NHSL1: variants seen among roughly 807,000 people sequenced by gnomAD.
The protein encoded by NHSL1 is NHS-like protein 1.
In NHSL1, 48 loss-of-function variants were observed where a neutral mutation model predicts 95.0. The observed-to-expected ratio is 0.51, with a 90% CI of 0.40 to 0.64. The LOEUF (loss-of-function observed/expected upper bound fraction) is 0.64. NHSL1 is among the 30% of genes least tolerant of loss of function. The pLI, the probability that NHSL1 is intolerant of heterozygous loss-of-function variation, is 0.00. For missense variants in NHSL1, 1,971 were observed against 2,077.7 expected (o/e 0.95, Z 1.00); for synonymous variants, 783 against 833.9 (o/e 0.94, Z 1.05).
chr6:138,692,922 AGGACGGAC>A (rs1051069271), upstream of NHSL1, among the ~76,000 whole-genome samples: 15 of 150,244 alleles, frequency 1.0e-4, no homozygotes, highest in African/African-American at 2.4e-4. The surrounding 1 kb of genome is among the most constrained non-coding windows in gnomAD (Gnocchi z 4.0). Flanking sequence ...GCGGGCAGGA[AGGACGGAC>A]GGACGGACGG....
intron 1 of NHSL1, among the ~76,000 whole-genome samples, chr6:138,646,561 T>C (rs532839364): frequency 1.3e-5 from 2 of 152,154 alleles, no homozygotes; most frequent in Admixed American, 6.5e-5. Flanking sequence ...TCAGTGACTA[T>C]CCATGGAGGA....
chr6:138,571,910 ATCT>A, exon 1 of NHSL1: 2 of 1,550,962 alleles, frequency 1.3e-6, no homozygotes, highest in Non-Finnish European at 1.7e-6. Context: ...TTCCTTTTTC[ATCT>A]TCTTTTCAAA....
chr6:138,447,144 G>C lies in NHSL1; in HGVS notation c.389C>G (p.Pro130Arg). 2 of 1,551,690 alleles carry C rather than the reference G, an allele frequency of 1.3e-6. No homozygotes were observed. Among genetic ancestry groups the C allele is most frequent in the Non-Finnish European group, 1.7e-6 (2 of 1,146,998 alleles). The change falls in exon 4 of 8, where the codon CCT becomes CGT. Residue 130 changes from proline to arginine, a missense_variant. Transcript: ENST00000343505. Reference protein sequence around the residue: ...EEERFISIRRPKTPASSDFSD... With the variant: ...EEERFISIRRRKTPASSDFSD... ...GAAGTCACTTGAGGCTGGTGTTTTA[G>C]GTCTCCTGATGGAAATAAATCTTTC...
At chr6:138,564,121 A>C (rs978962855) in intron 1 of NHSL1, among the ~76,000 whole-genome samples, 2 of 152,210 alleles carry the variant, frequency 1.3e-5, no homozygotes, top group African/African-American at 4.8e-5. Context: ...GAAGCAACAG[A>C]AAACACCAAA....
chr6:138,610,669 C>A (rs996867944), intron 1 of NHSL1, among the ~76,000 whole-genome samples: 1 of 151,830 alleles, frequency 6.6e-6, no homozygotes, highest in Non-Finnish European at 1.5e-5. Flanking sequence ...TAGTTCCACC[C>A]AAAGACTCAT....
upstream of NHSL1, chr6:138,692,691 C>G (rs1163021978): frequency 6.6e-6 from 1 of 151,908 alleles, no homozygotes; most frequent in Admixed American, 6.6e-5. The surrounding 1 kb of genome is among the most constrained non-coding windows in gnomAD (Gnocchi z 4.0). Context: ...GAGTGGCGCG[C>G]CCGCAGCCCC....
intron 3 of NHSL1, among the ~76,000 whole-genome samples, 188 bp from the exon 4 acceptor site, chr6:138,447,381 C>A (rs1019815983): frequency 6.6e-5 from 10 of 152,186 alleles, no homozygotes; most frequent in Non-Finnish European, 1.0e-4. Context: ...ATGATTCACA[C>A]CAGCCTTAGT....
intron 1 of NHSL1, among the ~76,000 whole-genome samples, chr6:138,619,687 C>T (rs550554137): frequency 4.3e-4 from 66 of 152,222 alleles, no homozygotes; most frequent in African/African-American, 1.5e-3. Context: ...TTCGGGAGGA[C>T]AAGGCAGTAG....
intron 1 of NHSL1, among the ~76,000 whole-genome samples, chr6:138,689,571 C>T (rs1021139769): frequency 6.6e-6 from 1 of 152,162 alleles, no homozygotes; most frequent in Non-Finnish European, 1.5e-5. Flanking sequence ...CACTGACATT[C>T]TCACATCCTT....
chr6:138,599,975 C>A (rs1784351210), intron 1 of NHSL1, among the ~76,000 whole-genome samples: 1 of 151,956 alleles, frequency 6.6e-6, no homozygotes, highest in South Asian at 2.1e-4. Context: ...AACCCCATCT[C>A]TACTAAAAAA....
At chr6:138,505,992 C>T (rs541626429) in intron 1 of NHSL1, among the ~76,000 whole-genome samples, 6 of 152,214 alleles carry the variant, frequency 3.9e-5, no homozygotes, top group South Asian at 2.1e-4. Context: ...ACTTCAAATA[C>T]GATTTTTAAA....
At chr6:138,607,453 A>C (rs562311052) in intron 1 of NHSL1, among the ~76,000 whole-genome samples, 32 of 152,356 alleles carry the variant, frequency 2.1e-4, no homozygotes, top group African/African-American at 7.5e-4. Flanking sequence ...GCAAACAAAG[A>C]ATATTATAGC....
intron 1 of NHSL1, among the ~76,000 whole-genome samples, chr6:138,571,112 T>C (rs192723523): frequency 1.1e-3 from 162 of 151,500 alleles, no homozygotes; most frequent in Admixed American, 3.1e-3. Context: ...AGAAACTTGA[T>C]AGAAATCTAA....
In NHSL1 at chr6:138,496,094, C is replaced by T. The variant is rs2128285046; in HGVS notation, c.211+125G>A. 5.8e-6 allele frequency: 6 copies of T among 1,036,838 alleles called. No individual in the cohort carries two copies. The South Asian group carries it at 5.9e-5, about 10-fold the overall frequency. The allele number at this position is 1,036,838 out of a possible 1,614,324, so 64.2% of individuals were successfully genotyped here. On this transcript the variant is annotated intron_variant, in intron 2 of 7. Transcript: ENST00000343505. ...ATGTATTAGGTTGTATTTATGATAT[C>T]GTATAAAGACGTAGCATACTATACA...
chr6:138,450,165 A>G (rs1562282709), intron 3 of NHSL1, among the ~76,000 whole-genome samples: 1 of 152,086 alleles, frequency 6.6e-6, no homozygotes, highest in Non-Finnish European at 1.5e-5. Flanking sequence ...TTTGATTTAT[A>G]ATACATATTC....
intron 1 of NHSL1, among the ~76,000 whole-genome samples, chr6:138,615,784 TAAGAA>T (rs1228976856): frequency 2.0e-5 from 3 of 152,210 alleles, no homozygotes; most frequent in East Asian, 3.8e-4. Flanking sequence ...ATCAGGTTCT[TAAGAA>T]GAGAAGCAGG....
intron 3 of NHSL1, chr6:138,464,212 G>C: frequency 1.3e-6 from 1 of 759,564 alleles, no homozygotes; most frequent in South Asian, 1.7e-5. Context: ...AGGCTGAGAG[G>C]CTGCTGGCCG....
intron 1 of NHSL1, among the ~76,000 whole-genome samples, chr6:138,532,337 G>A (rs565606462): frequency 6.6e-6 from 1 of 152,300 alleles, no homozygotes; most frequent in African/African-American, 2.4e-5. Flanking sequence ...TGGTGGTAGG[G>A]AACTGAAGAC....
chr6:138,435,267 T>A (rs1775999787), intron 5 of NHSL1: 1 of 154,788 alleles, frequency 6.5e-6, no homozygotes, highest in African/African-American at 2.4e-5. Flanking sequence ...AACAATGAGT[T>A]TTGAGTGTTT....
Sources: gnomAD v4.1 joint callset for allele counts (sites outside exome capture counted in the v4.1 genomes callset) on GRCh38, gnomAD v4.1.1 for gene constraint, Gnocchi (gnomAD v3.1) non-coding constraint, MANE v1.5 for transcripts, NCBI Gene and HGNC (gene_info 2026-07-23, HGNC 2026-07-21) for gene names.